IFT88: variants seen among roughly 807,000 people sequenced by gnomAD.
IFT88 encodes intraflagellar transport protein 88 homolog.
In IFT88, 74 loss-of-function variants were observed where a neutral mutation model predicts 119.5. That is an observed-to-expected ratio of 0.62 (90% confidence interval 0.51 to 0.75). IFT88 has a LOEUF of 0.75. Ranked by LOEUF, IFT88 falls within the 30% of genes least tolerant of loss-of-function variation. IFT88 has a pLI of 0.00. For missense variants in IFT88, 961 were observed against 977.7 expected, an observed-to-expected ratio of 0.98 and a Z score of 0.23; for synonymous variants, 279 against 316.7, an observed-to-expected ratio of 0.88 and a Z score of 1.26.
chr13:20,572,567 G>GT (rs2036591361), intron 1 of IFT88, among the ~76,000 whole-genome samples: 1 of 152,100 alleles, frequency 6.6e-6, no homozygotes, highest in Admixed American at 6.6e-5. Flanking sequence ...GCTATTACAT[G>GT]TTCCCTGAAA....
intron 2 of IFT88, among the ~76,000 whole-genome samples, chr13:20,579,339 T>C (rs1483098001): frequency 6.6e-6 from 1 of 152,170 alleles, no homozygotes; most frequent in East Asian, 1.9e-4. Flanking sequence ...CTTCTGCTGC[T>C]GCTGAGCTGG....
At position 20,690,803 on chromosome 13, in the gene IFT88, A is replaced by G. The variant is rs1186946062; in HGVS notation, c.2341A>G (p.Asn781Asp). 1 of 1,611,986 alleles carries G rather than the reference A, an allele frequency of 6.2e-7. No homozygotes were observed. Among genetic ancestry groups the G allele is most frequent in the African/African-American group, 1.3e-5 (1 of 75,002 alleles). ...GTNEPYESSSNKEIDASYVDP... is the reference protein window; with the variant it reads ...GTNEPYESSSDKEIDASYVDP... ...AAATGAACCTTATGAAAGTAGCAGTAACAAAGAAATAGGCAAGTACTCTCC... is the reference window on the plus strand; with the variant it reads ...AAATGAACCTTATGAAAGTAGCAGTGACAAAGAAATAGGCAAGTACTCTCC... The change falls in exon 25 of 26, where the codon AAC becomes GAC. Residue 781 changes from asparagine (N) to aspartate (D), a missense_variant. Transcript: ENST00000351808.
chr13:20,667,817 G>A (rs1005823513), intron 23 of IFT88, among the ~76,000 whole-genome samples: 1 of 151,944 alleles, frequency 6.6e-6, no homozygotes, highest in African/African-American at 2.4e-5. Flanking sequence ...CACACATTCT[G>A]GATCTGCCCC....
intron 24 of IFT88, among the ~76,000 whole-genome samples, chr13:20,680,629 T>TACCC (rs1319017390): frequency 6.6e-6 from 1 of 152,178 alleles, no homozygotes; most frequent in Non-Finnish European, 1.5e-5. Flanking sequence ...CCCAGGGGGG[T>TACCC]GGCTGTGCCC....
intron 15 of IFT88, among the ~76,000 whole-genome samples, chr13:20,628,260 A>G (rs2140036462): frequency 6.6e-6 from 1 of 152,060 alleles, no homozygotes; most frequent in South Asian, 2.1e-4. Flanking sequence ...TTTGATAATG[A>G]TGGTGTTTGT....
At position 20,672,284 on chromosome 13, in the gene IFT88, T is replaced by C. The variant is rs183549099; in HGVS notation, c.2242+1245T>C. 8.1e-4 allele frequency among the ~76,000 whole-genome samples: 123 copies of C among 152,018 alleles called. 1 individual carries two copies. Among genetic ancestry groups the C allele is most frequent in the African/African-American group, 2.9e-3 (121 of 41,468 alleles). On this transcript the variant is annotated intron_variant, in intron 24 of 25. Coordinates refer to ENST00000351808, the MANE Select transcript of IFT88 (RefSeq NM_006531.5). ...GCCAGGCCACTTGATTCCCCAAGAG[T>C]CAGTCCAGCGTCTCCAGCTAAACCT...
At position 20,663,516 on chromosome 13, in the gene IFT88, G is replaced by A. The variant is rs373832683; in HGVS notation, c.2087G>A (p.Arg696His). 143 of 1,613,410 alleles carry A rather than the reference G, an allele frequency of 8.9e-5. No individual in the cohort carries two copies. The highest frequency in any genetic ancestry group is 1.6e-4 in the Middle Eastern group (1 of 6,078). The stretch of plus-strand genomic sequence containing the variant: ...AATTTAGGTCTGCGTTTCTTAGTTC[G>A]TCTCTGCACAGATCTTGGATTAAAA... ...ENVECLRFLV[R>H]LCTDLGLKDA... The change falls in exon 23 of 26, where the codon CGT becomes CAT. Residue 696 changes from arginine (R) to histidine (H), a missense_variant. Coordinates refer to ENST00000351808, the MANE Select transcript of IFT88 (RefSeq NM_006531.5).
intron 13 of IFT88, among the ~76,000 whole-genome samples, chr13:20,610,996 G>A (rs757528778): frequency 9.9e-5 from 15 of 151,614 alleles, no homozygotes; most frequent in Non-Finnish European, 2.1e-4. Context: ...AAAAACTGAG[G>A]TGGAGGATCA....
Position 20,592,389 on chromosome 13 carries a change from C to T in IFT88, c.383C>T (p.Ala128Val), listed in dbSNP as rs1343223052. Reference protein sequence around the residue: ...QSRGPASPLEAKKKDSPEEKI... With the variant: ...QSRGPASPLEVKKKDSPEEKI... ...AGGGGCCCTGCTTCCCCTTTGGAAG[C>T]CAAGAAAAAAGATAGGTATGTAAGT... is the stretch of plus-strand genomic sequence containing the variant. The change falls in exon 7 of 26, where the codon GCC becomes GTC. Residue 128 changes from alanine to valine, a missense_variant. By Grantham distance (64) the Ala-to-Val change is moderately conservative. Coordinates refer to ENST00000351808, the MANE Select transcript of IFT88 (RefSeq NM_006531.5). 2 of 1,607,220 alleles carry T rather than the reference C, an allele frequency of 1.2e-6. No individual in the cohort carries two copies. The highest frequency in any genetic ancestry group is 1.7e-6 in the Non-Finnish European group (2 of 1,177,246).
At position 20,603,504 on chromosome 13, in the gene IFT88, T is replaced by C. The variant is rs899188934; in HGVS notation, c.1042-1531T>C. On this transcript the variant is annotated intron_variant, in intron 12 of 25. Transcript: ENST00000351808. ...CTCTCCCTGTGTCTCAGTTCTTTTA[T>C]ATATGTAATGGGATTAACTATTATA... Among the ~76,000 whole-genome samples, 3 of 152,214 alleles carry C rather than the reference T, an allele frequency of 2.0e-5. No individual in the cohort carries two copies. In the East Asian group the frequency reaches 5.8e-4, roughly 29 times the overall value.
At chr13:20,597,844 T>C (rs920829213) in intron 9 of IFT88, among the ~76,000 whole-genome samples, 4 of 151,866 alleles carry the variant, frequency 2.6e-5, no homozygotes, top group Admixed American at 1.3e-4. Flanking sequence ...AGCACTAATT[T>C]TAATGCTCTA....
At chr13:20,612,913 A>G (rs1359404572) in intron 13 of IFT88, among the ~76,000 whole-genome samples, 1 of 152,218 alleles carries the variant, frequency 6.6e-6, no homozygotes, top group Non-Finnish European at 1.5e-5. Context: ...GAAGTTGTAC[A>G]TCTCTTTCAC....
In IFT88 at chr13:20,618,479, G is replaced by C. The variant is rs9805425; in HGVS notation, c.1199+2600G>C. 4.3e-3 allele frequency among the ~76,000 whole-genome samples: 653 copies of C among 152,278 alleles called. 4 individuals are homozygous for C. The highest frequency in any genetic ancestry group is 0.013 in the African/African-American group (544 of 41,552). ...TAAATAGTCCCAACACACAGGCTGC[G>C]TGGTAGACTAGTTGAATCAGAATTT... is the stretch of plus-strand genomic sequence containing the variant. On this transcript the variant is annotated intron_variant, in intron 14 of 25. Coordinates refer to ENST00000351808, the MANE Select transcript of IFT88 (RefSeq NM_006531.5).
intron 20 of IFT88, among the ~76,000 whole-genome samples, chr13:20,646,104 A>T (rs1167576977): frequency 6.6e-6 from 1 of 151,912 alleles, no homozygotes; most frequent in Non-Finnish European, 1.5e-5. Context: ...CTATTTGTAA[A>T]TGTCAGATGT....
At chr13:20,664,200 TCAGGTTTATGTGGGTCAG>T (rs2054280100) in intron 23 of IFT88, among the ~76,000 whole-genome samples, 3 of 152,202 alleles carry the variant, frequency 2.0e-5, no homozygotes, top group Admixed American at 2.0e-4. Context: ...ATAAACCAAT[TCAGGTTTATGTGGGTCAG>T]GGTAATTTCT....
chr13:20,683,510 G>T (rs1385924409), intron 24 of IFT88, among the ~76,000 whole-genome samples: 1 of 152,062 alleles, frequency 6.6e-6, no homozygotes, highest in South Asian at 2.1e-4. Context: ...ATAGTCCCAG[G>T]TTGTCCATCG....
chr13:20,633,229 G>A (rs1164026795), intron 16 of IFT88, among the ~76,000 whole-genome samples: 1 of 152,152 alleles, frequency 6.6e-6, no homozygotes, highest in Non-Finnish European at 1.5e-5. Flanking sequence ...AGGTTTAATT[G>A]ACTCACATTT....
At chr13:20,678,277 A>C (rs976286691) in intron 24 of IFT88, among the ~76,000 whole-genome samples, 1 of 152,222 alleles carries the variant, frequency 6.6e-6, no homozygotes, top group Non-Finnish European at 1.5e-5. Flanking sequence ...TGGAGACCCT[A>C]ACCCAGCAGT....
intron 13 of IFT88, among the ~76,000 whole-genome samples, chr13:20,606,650 G>A (rs115234470): frequency 0.013 from 1,983 of 152,274 alleles, 43 homozygotes; most frequent in African/African-American, 0.046. Context: ...AGGCTGAGCC[G>A]GGTAGATAAC....
Sources: allele counts gnomAD v4.1 joint callset (sites outside exome capture counted in the v4.1 genomes callset), GRCh38; gene constraint gnomAD v4.1.1; transcripts MANE v1.5; gene names NCBI Gene and HGNC (gene_info 2026-07-23, HGNC 2026-07-21).